The following SNTG2 variants were observed in gnomAD, a reference collection of about 807,000 sequenced individuals.
SNTG2 encodes the protein syntrophin gamma 2, also known as gamma-2-syntrophin.
In SNTG2, 74 loss-of-function variants were observed where a neutral mutation model predicts 70.9. That is an observed-to-expected ratio of 1.04 (90% CI 0.86 to 1.27). The LOEUF (loss-of-function observed/expected upper bound fraction) is 1.27. Ranked by LOEUF, SNTG2 falls within the 50% of genes most tolerant of loss-of-function variation. SNTG2 has a pLI of 0.00. For synonymous variants in SNTG2, 278 were observed against 273.8 expected (o/e 1.02, Z -0.15); for missense variants, 717 against 690.7 (o/e 1.04, Z -0.43).
chr2:1,183,982 T>C (rs1672094910), intron 8 of SNTG2, among the ~76,000 whole-genome samples: 1 of 152,116 alleles, frequency 6.6e-6, no homozygotes, highest in African/African-American at 2.4e-5. Flanking sequence ...ACAAAAAATA[T>C]AAAATAGTTA....
chr2:1,125,565 T>A (rs1431447917), intron 4 of SNTG2, among the ~76,000 whole-genome samples: 1 of 152,236 alleles, frequency 6.6e-6, no homozygotes, highest in Non-Finnish European at 1.5e-5. Flanking sequence ...CAAAACAGAA[T>A]TGTTTTCTAA....
In SNTG2 at chr2:1,316,822, ATT is replaced by A. The variant is rs1158786899; in HGVS notation, c.1488+449_1488+450del. Among the ~76,000 whole-genome samples the A allele has an allele frequency of 6.0e-3, 593 of 98,258 alleles. 21 individuals are homozygous for A. Among genetic ancestry groups the A allele is most frequent in the Middle Eastern group, 0.031 (4 of 130 alleles). The allele number at this position is 98,258 out of a possible 152,430, so 64.5% of individuals were successfully genotyped here. On this transcript the variant is annotated intron_variant, in intron 16 of 16. Transcript: ENST00000308624. ...TTGGAGAAGGTTGGGATTCTGGAGCATTTAGCATGAGGCCAGCATTGGAGAAG... is the reference window on the plus strand; with the variant it reads ...TTGGAGAAGGTTGGGATTCTGGAGCATAGCATGAGGCCAGCATTGGAGAAG...
chr2:1,359,572 G>A (rs759425544), intron 16 of SNTG2, among the ~76,000 whole-genome samples: 3 of 152,046 alleles, frequency 2.0e-5, no homozygotes, highest in Non-Finnish European at 4.4e-5. Flanking sequence ...TCTAAAGTGA[G>A]TCTCTTGTAC....
chr2:1,217,608 C>T (rs4971417), intron 9 of SNTG2, among the ~76,000 whole-genome samples: 78,993 of 152,058 alleles, frequency 0.52, 22,579 homozygotes, highest in East Asian at 0.77. Flanking sequence ...CTTAGCATAA[C>T]CATGCGATCC....
chr2:1,109,173 G>A (rs961762720), intron 4 of SNTG2, among the ~76,000 whole-genome samples: 12 of 151,928 alleles, frequency 7.9e-5, no homozygotes, highest in East Asian at 1.9e-4. Context: ...AAGCAAAAGC[G>A]GCTTGCGAAG....
At chr2:971,013 G>C (rs1660722221) in intron 1 of SNTG2, among the ~76,000 whole-genome samples, 2 of 152,218 alleles carry the variant, frequency 1.3e-5, no homozygotes, top group Non-Finnish European at 2.9e-5. Flanking sequence ...GTGCTGGAGA[G>C]GATGTGGAGA....
chr2:1,139,119 G>A (rs1305794542), intron 6 of SNTG2, among the ~76,000 whole-genome samples: 1 of 152,198 alleles, frequency 6.6e-6, no homozygotes, highest in Non-Finnish European at 1.5e-5. Flanking sequence ...GCTTATTGTG[G>A]GAAAACACAT....
At chr2:1,155,424 G>A (rs1239287463) in intron 6 of SNTG2, among the ~76,000 whole-genome samples, 3 of 151,754 alleles carry the variant, frequency 2.0e-5, no homozygotes, top group Non-Finnish European at 2.9e-5. Context: ...TCACACACAC[G>A]TGTACACACA....
At chr2:974,675 G>GT (rs1334103796) in intron 1 of SNTG2, among the ~76,000 whole-genome samples, 2 of 152,160 alleles carry the variant, frequency 1.3e-5, no homozygotes, top group Non-Finnish European at 2.9e-5. Context: ...CTCCCAGCTT[G>GT]TTTTTTGGCA....
At chr2:1,192,626 A>AC (rs1672666527) in intron 8 of SNTG2, among the ~76,000 whole-genome samples, 1 of 152,152 alleles carries the variant, frequency 6.6e-6, no homozygotes, top group Non-Finnish European at 1.5e-5. Context: ...TCTGGTTGGA[A>AC]CAATGTGAGA....
At chr2:1,316,095 G>C (rs760042775) in intron 15 of SNTG2, among the ~76,000 whole-genome samples, 170 bp from the exon 16 acceptor site, 37 of 152,164 alleles carry the variant, frequency 2.4e-4, no homozygotes, top group Admixed American at 2.2e-3. Context: ...AGTTTGCAAA[G>C]ATTGAAGAAT....
intron 1 of SNTG2, among the ~76,000 whole-genome samples, chr2:1,070,447 A>G (rs1405294253): frequency 1.3e-5 from 2 of 152,172 alleles, no homozygotes; most frequent in Non-Finnish European, 2.9e-5. Context: ...GTTAAATGGA[A>G]TAATGCTCAT....
chr2:1,148,483 G>A (rs1417749663), intron 6 of SNTG2, among the ~76,000 whole-genome samples: 1 of 152,184 alleles, frequency 6.6e-6, no homozygotes, highest in Admixed American at 6.5e-5. Context: ...TTTGTGTTAG[G>A]CCCAGCACCA....
At chr2:1,248,560 C>T (rs1203297720) in intron 12 of SNTG2, among the ~76,000 whole-genome samples, 1 of 152,228 alleles carries the variant, frequency 6.6e-6, no homozygotes, top group Non-Finnish European at 1.5e-5. Context: ...CCCCTCAAAA[C>T]AAACATAACC....
intron 2 of SNTG2, among the ~76,000 whole-genome samples, chr2:1,093,084 GC>G (rs1340971736): frequency 6.6e-6 from 1 of 152,140 alleles, no homozygotes; most frequent in Non-Finnish European, 1.5e-5. Flanking sequence ...AGTCCCTGGA[GC>G]CCCTGAGTAT....
chr2:1,290,945 A>G (rs1679965878), intron 14 of SNTG2, among the ~76,000 whole-genome samples: 1 of 152,222 alleles, frequency 6.6e-6, no homozygotes, highest in African/African-American at 2.4e-5. Flanking sequence ...ACAAAATTTT[A>G]CATTCCTAGC....
intron 2 of SNTG2, among the ~76,000 whole-genome samples, chr2:1,096,641 C>T (rs1175833508): frequency 2.0e-5 from 3 of 152,222 alleles, no homozygotes; most frequent in Non-Finnish European, 4.4e-5. Flanking sequence ...CATGTTGCCA[C>T]AGATGGCAGG....
At chr2:956,530 A>G (rs1392103814) in intron 1 of SNTG2, among the ~76,000 whole-genome samples, 1 of 152,066 alleles carries the variant, frequency 6.6e-6, no homozygotes, top group African/African-American at 2.4e-5. Flanking sequence ...CAGGCGCAGC[A>G]CCTGCCCCCG....
intron 6 of SNTG2, among the ~76,000 whole-genome samples, chr2:1,152,638 G>A (rs964648396): frequency 1.3e-5 from 2 of 152,196 alleles, no homozygotes; most frequent in South Asian, 4.1e-4. Context: ...GTGTGTGTTT[G>A]TGTGTAACAT....
Sources: gnomAD v4.1 joint callset for allele counts (sites outside exome capture counted in the v4.1 genomes callset) on GRCh38, gnomAD v4.1.1 for gene constraint, MANE v1.5 for transcripts, NCBI Gene and HGNC (gene_info 2026-07-23, HGNC 2026-07-21) for gene names.